TRPM8: variants seen among roughly 807,000 people sequenced by gnomAD.
TRPM8 encodes the protein transient receptor potential cation channel subfamily M member 8.
TRPM8 carries 110 observed loss-of-function variants against 133.7 expected under a neutral mutation model. The ratio of observed to expected loss-of-function variants is 0.82; its 90% CI spans 0.70 to 0.96. The LOEUF (loss-of-function observed/expected upper bound fraction) is 0.96. Ranked by LOEUF, TRPM8 falls within the 40% of genes least tolerant of loss-of-function variation. The pLI, the probability that TRPM8 is intolerant of heterozygous loss-of-function variation, is 0.00. For synonymous variants in TRPM8, 535 were observed against 532.3 expected (o/e 1.01, Z -0.07); for missense variants, 1,291 against 1,379.5 (o/e 0.94, Z 1.02).
chr2:233,927,851 CCTTTCTTTCTCTTT>C (rs1308234300), intron 2 of TRPM8, among the ~76,000 whole-genome samples: 2 of 37,586 alleles, frequency 5.3e-5, no homozygotes, highest in East Asian at 1.2e-3. Context: ...TTCCTTCCTT[CCTTTCTTTCTCTTT>C]CTTTCTTTCT....
intron 3 of TRPM8, among the ~76,000 whole-genome samples, chr2:233,934,265 C>A (rs1033205112): frequency 6.6e-6 from 1 of 152,192 alleles, no homozygotes; most frequent in Non-Finnish European, 1.5e-5. Context: ...TCCCTGCACA[C>A]CTGTTCTCTT....
chr2:233,936,487 T>C (rs188932934), intron 3 of TRPM8, among the ~76,000 whole-genome samples: 13 of 152,358 alleles, frequency 8.5e-5, no homozygotes, highest in Admixed American at 7.8e-4. Context: ...CCCCAAATTA[T>C]TGGAAGTCTC....
intron 25 of TRPM8, among the ~76,000 whole-genome samples, chr2:234,016,205 G>A (rs546422971): frequency 1.3e-5 from 2 of 152,204 alleles, no homozygotes; most frequent in South Asian, 4.2e-4. Context: ...GTGTGTGTGT[G>A]TGGGTGTAGA....
At chr2:233,980,773 G>T (rs916394117) in intron 18 of TRPM8, among the ~76,000 whole-genome samples, 5 of 152,112 alleles carry the variant, frequency 3.3e-5, no homozygotes, top group Admixed American at 6.5e-5. Flanking sequence ...CCAGAGTGTG[G>T]GATTAGAAAA....
At chr2:233,950,310 G>T (rs891444423) in intron 9 of TRPM8, among the ~76,000 whole-genome samples, 164 bp downstream of exon 9, 7 of 152,192 alleles carry the variant, frequency 4.6e-5, no homozygotes, top group Admixed American at 1.3e-4. Flanking sequence ...AGTTCAGTAA[G>T]ATACGTGACT....
intron 1 of TRPM8, among the ~76,000 whole-genome samples, 171 bp downstream of exon 1, chr2:233,917,603 C>A (rs559550892): frequency 6.6e-6 from 1 of 152,320 alleles, no homozygotes; most frequent in Admixed American, 6.5e-5. Context: ...TGGGCATAAG[C>A]AAATGCGGGT....
chr2:233,956,743 T>C (rs1691303282), intron 11 of TRPM8, among the ~76,000 whole-genome samples: 1 of 152,216 alleles, frequency 6.6e-6, no homozygotes, highest in Non-Finnish European at 1.5e-5. Context: ...TTATGAATTT[T>C]TAAATTATTC....
chr2:233,958,424 G>A (rs1199334315), intron 11 of TRPM8, among the ~76,000 whole-genome samples: 2 of 152,136 alleles, frequency 1.3e-5, no homozygotes, highest in Non-Finnish European at 2.9e-5. Flanking sequence ...ACTGGTGGCG[G>A]CCTGGGAATA....
chr2:233,957,144 A>T (rs930693046), intron 11 of TRPM8, among the ~76,000 whole-genome samples: 2 of 152,166 alleles, frequency 1.3e-5, no homozygotes, highest in Non-Finnish European at 2.9e-5. Flanking sequence ...CCAACTGCTA[A>T]ATTTTTAGAG....
At chr2:233,972,925 C>T (rs149021356) in intron 17 of TRPM8, among the ~76,000 whole-genome samples, 42 of 152,340 alleles carry the variant, frequency 2.8e-4, no homozygotes, top group Non-Finnish European at 7.3e-5. Context: ...CACAGTGCAG[C>T]GGTGGGCTGA....
At chr2:233,954,717 A>C (rs141190519) in intron 10 of TRPM8, among the ~76,000 whole-genome samples, 2 of 152,368 alleles carry the variant, frequency 1.3e-5, no homozygotes, top group African/African-American at 4.8e-5. Flanking sequence ...ATCTGCACAG[A>C]TACATAGATG....
chr2:234,012,292 CGTG>C (rs1692859250), intron 24 of TRPM8, among the ~76,000 whole-genome samples: 1 of 151,928 alleles, frequency 6.6e-6, no homozygotes, highest in Non-Finnish European at 1.5e-5. Flanking sequence ...GGATTACAGG[CGTG>C]CACCACCATG....
At chr2:233,997,477 G>C (rs898836678) in intron 22 of TRPM8, among the ~76,000 whole-genome samples, 1 of 152,164 alleles carries the variant, frequency 6.6e-6, no homozygotes. Flanking sequence ...AGCACAGAGG[G>C]ACAGGATGGG....
intron 2 of TRPM8, among the ~76,000 whole-genome samples, chr2:233,927,961 T>TC (rs1491497611): frequency 0.1 from 4,253 of 40,548 alleles, 668 homozygotes; most frequent in Non-Finnish European, 0.12. Flanking sequence ...TCTCTCTCTC[T>TC]TTCTTTCTTT....
At chr2:233,947,045 T>A in intron 7 of TRPM8, 43 bp from the exon 8 acceptor site, 1 of 1,592,778 alleles carries the variant, frequency 6.3e-7, no homozygotes, top group South Asian at 1.1e-5. Flanking sequence ...AGGTGAGTAT[T>A]TCTAATGAGC....
At chr2:233,948,488 G>T (rs943294136) in intron 8 of TRPM8, among the ~76,000 whole-genome samples, 1 of 152,216 alleles carries the variant, frequency 6.6e-6, no homozygotes, top group Non-Finnish European at 1.5e-5. Context: ...GCTCAAATCT[G>T]CAAAAGCAGC....
intron 17 of TRPM8, among the ~76,000 whole-genome samples, chr2:233,974,238 TG>T (rs746162467): frequency 1.3e-4 from 20 of 151,830 alleles, no homozygotes; most frequent in Non-Finnish European, 2.8e-4. Flanking sequence ...TTAGTTTTTT[TG>T]TTGTTTTTTT....
chr2:233,932,939 C>A, intron 3 of TRPM8, among the ~76,000 whole-genome samples: 1 of 149,542 alleles, frequency 6.7e-6, no homozygotes, highest in Admixed American at 6.7e-5. Context: ...CCAAAGTCTC[C>A]CCTGAGAGTT....
intron 22 of TRPM8, among the ~76,000 whole-genome samples, chr2:233,998,255 G>GA (rs960259483): frequency 2.0e-5 from 3 of 151,830 alleles, no homozygotes; most frequent in African/African-American, 4.8e-5. Context: ...AAAACCAGAA[G>GA]AAAAAAATGA....
Sources: gnomAD v4.1 joint callset for allele counts (sites outside exome capture counted in the v4.1 genomes callset) on GRCh38, gnomAD v4.1.1 for gene constraint, MANE v1.5 for transcripts, NCBI Gene and HGNC (gene_info 2026-07-23, HGNC 2026-07-21) for gene names.